Variants in GRHL2 observed in about 807,000 individuals in gnomAD.
GRHL2 encodes the protein grainyhead like transcription factor 2.
In GRHL2, 21 loss-of-function variants were observed where a neutral mutation model predicts 83.8. That is an observed-to-expected ratio of 0.25 (90% CI 0.18 to 0.36). The LOEUF (loss-of-function observed/expected upper bound fraction) is 0.36. Among genes scored for constraint, GRHL2 ranks in the 10% least tolerant of loss-of-function variants. GRHL2 has a pLI of 1.00. For synonymous variants in GRHL2, 280 were observed against 278.9 expected, an observed-to-expected ratio of 1.00 and a Z score of -0.04; for missense variants, 623 against 781.8, an observed-to-expected ratio of 0.80 and a Z score of 2.42.
intron 7 of GRHL2, 34 bp downstream of exon 7, chr8:101,577,553 G>A (rs747475338): frequency 2.8e-5 from 38 of 1,373,404 alleles, no homozygotes; most frequent in South Asian, 1.2e-4. Flanking sequence ...TATAGTCCTC[G>A]ATAAACTGAC....
At chr8:101,657,708 CGG>C (rs768247424) in intron 14 of GRHL2, among the ~76,000 whole-genome samples, 46 of 151,860 alleles carry the variant, frequency 3.0e-4, no homozygotes, top group Non-Finnish European at 4.4e-4. Flanking sequence ...GGTGTGGTGG[CGG>C]GCGCCTATAG....
intron 3 of GRHL2, among the ~76,000 whole-genome samples, chr8:101,554,278 A>G (rs1811446460): frequency 6.6e-6 from 1 of 152,214 alleles, no homozygotes; most frequent in Non-Finnish European, 1.5e-5. Flanking sequence ...CGCTGGAAGA[A>G]GAGGCTGACA....
At chr8:101,505,053 A>C (rs562800357) in intron 1 of GRHL2, among the ~76,000 whole-genome samples, 1 of 152,226 alleles carries the variant, frequency 6.6e-6, no homozygotes, top group East Asian at 1.9e-4. Context: ...AAATGTGAGC[A>C]AAACCAAAGC....
At chr8:101,512,167 C>G (rs1210848796) in intron 1 of GRHL2, among the ~76,000 whole-genome samples, 2 of 150,672 alleles carry the variant, frequency 1.3e-5, no homozygotes, top group South Asian at 2.1e-4. Context: ...TTTTTTAATG[C>G]AAACTGGAAT....
chr8:101,544,569 G>A (rs540348410), intron 2 of GRHL2, among the ~76,000 whole-genome samples: 1 of 152,300 alleles, frequency 6.6e-6, no homozygotes, highest in African/African-American at 2.4e-5. Flanking sequence ...TACTGAATGA[G>A]ATTTATTGCC....
At position 101,563,414 on chromosome 8, in the gene GRHL2, C is replaced by T. The variant is rs181776011; in HGVS notation, c.678+4602C>T. ...AGTACAAAAGGTTGATGAGCAGGGA[C>T]TGGCTCTCTGCAAAGTTGCAGAGAG... On this transcript the variant is annotated intron_variant, in intron 4 of 15. Transcript: ENST00000646743. 1.9e-3 allele frequency among the ~76,000 whole-genome samples: 282 copies of T among 152,066 alleles called. 2 individuals are homozygous for T. Among genetic ancestry groups the T allele is most frequent in the Non-Finnish European group, 2.3e-3 (153 of 67,974 alleles).
At chr8:101,600,783 C>G (rs1812493555) in intron 8 of GRHL2, among the ~76,000 whole-genome samples, 1 of 152,166 alleles carries the variant, frequency 6.6e-6, no homozygotes, top group South Asian at 2.1e-4. Flanking sequence ...AGTAACTGAG[C>G]AACAGTGTGA....
chr8:101,551,773 T>G (rs1214436528), intron 2 of GRHL2, among the ~76,000 whole-genome samples: 1 of 150,036 alleles, frequency 6.7e-6, no homozygotes, highest in Non-Finnish European at 1.5e-5. Flanking sequence ...GAGACAGAGC[T>G]GGTGGGATGG....
chr8:101,678,244 A>G, the GRHL2 span, among the ~76,000 whole-genome samples: 2 of 152,184 alleles, frequency 1.3e-5, no homozygotes, highest in African/African-American at 4.8e-5. Flanking sequence ...TGCGAGCCAA[A>G]GCAGGGCGAG....
intron 12 of GRHL2, among the ~76,000 whole-genome samples, chr8:101,637,143 C>G (rs1476889652): frequency 6.6e-6 from 1 of 152,110 alleles, no homozygotes; most frequent in African/African-American, 2.4e-5. Flanking sequence ...CTTTCCCCAC[C>G]CGCTTCCTCC....
chr8:101,594,792 G>T (rs1812357989), intron 7 of GRHL2, among the ~76,000 whole-genome samples: 1 of 152,180 alleles, frequency 6.6e-6, no homozygotes, highest in African/African-American at 2.4e-5. Context: ...AACTTATGGA[G>T]CACATCCTAT....
intron 4 of GRHL2, among the ~76,000 whole-genome samples, chr8:101,559,050 ATTTC>A (rs1199097255): frequency 2.0e-5 from 3 of 152,052 alleles, no homozygotes; most frequent in Non-Finnish European, 4.4e-5. Context: ...TAGATGATGG[ATTTC>A]TTTGTTTTCA....
Position 101,644,299 on chromosome 8 carries a change from C to T in GRHL2, c.1612+74C>T, listed in dbSNP as rs1660482688. ...TCTCCCAAGAAGAGCTTGCAGCCCT[C>T]TTGCCCAGGCCCCCATGGCTCTGTG... is the stretch of plus-strand genomic sequence containing the variant. On this transcript the variant is annotated intron_variant, in intron 13 of 15. Coordinates refer to ENST00000646743, the MANE Select transcript of GRHL2 (RefSeq NM_024915.4). 3 of 1,185,216 alleles carry T rather than the reference C, an allele frequency of 2.5e-6. No individual in the cohort carries two copies. In the South Asian group the frequency reaches 3.9e-5, roughly 15 times the overall value. 73.4% of individuals were successfully genotyped at this position (1,185,216 alleles called of 1,614,324 possible). A position where few individuals can be genotyped will look rare whatever the true frequency, so the allele number is the denominator to read the frequency against.
chr8:101,581,603 C>T (rs1479302119), intron 7 of GRHL2, among the ~76,000 whole-genome samples: 1 of 152,176 alleles, frequency 6.6e-6, no homozygotes, highest in Admixed American at 6.5e-5. Flanking sequence ...GTGATGGCCC[C>T]ATATTAGTTA....
At chr8:101,593,583 G>A (rs1812329863) in intron 7 of GRHL2, among the ~76,000 whole-genome samples, 1 of 152,158 alleles carries the variant, frequency 6.6e-6, no homozygotes, top group Non-Finnish European at 1.5e-5. Flanking sequence ...TCTAATCACA[G>A]GAAGGAATCC....
intron 1 of GRHL2, among the ~76,000 whole-genome samples, chr8:101,537,414 T>C (rs1037493230): frequency 3.3e-5 from 5 of 152,170 alleles, no homozygotes; most frequent in Admixed American, 6.5e-5. Flanking sequence ...CACCTTAGCA[T>C]AGTGTCTCAC....
rs372186641 is a variant in GRHL2, at chr8:101,631,737, G to A, written c.1345+13G>A. On this transcript the variant is annotated intron_variant, in intron 10 of 15. Transcript: ENST00000646743. ...CAATGCAACAGCTGTGAGTTTCACT[G>A]AGACTAATGTTGCTTTCTAAAGACT... 1 of 1,605,054 alleles carries A rather than the reference G, an allele frequency of 6.2e-7. No homozygotes were observed. Among genetic ancestry groups the A allele is most frequent in the Non-Finnish European group, 8.5e-7 (1 of 1,171,902 alleles).
At chr8:101,561,740 A>G (rs529951112) in intron 4 of GRHL2, among the ~76,000 whole-genome samples, 6 of 152,306 alleles carry the variant, frequency 3.9e-5, no homozygotes, top group East Asian at 3.9e-4. Flanking sequence ...TGGCATAACC[A>G]TTTTACATCC....
intron 7 of GRHL2, among the ~76,000 whole-genome samples, chr8:101,590,800 A>G (rs896849420): frequency 2.6e-5 from 4 of 152,080 alleles, no homozygotes; most frequent in African/African-American, 9.7e-5. Context: ...TGGTGTATGT[A>G]CCTTGAGTCG....
Sources: gnomAD v4.1 joint callset for allele counts (sites outside exome capture counted in the v4.1 genomes callset) on GRCh38, gnomAD v4.1.1 for gene constraint, MANE v1.5 for transcripts, NCBI Gene and HGNC (gene_info 2026-07-23, HGNC 2026-07-21) for gene names.